Variants in SSH2 observed in about 807,000 individuals in gnomAD.
SSH2 encodes protein phosphatase Slingshot homolog 2.
A neutral mutation model predicts 135.2 loss-of-function variants in SSH2; 37 were observed. The observed-to-expected ratio is 0.27, with a 90% CI of 0.21 to 0.36. The LOEUF (loss-of-function observed/expected upper bound fraction) is 0.36, where lower values mean the gene tolerates loss of function less well. SSH2 is among the 10% of genes least tolerant of loss of function. The probability of loss-of-function intolerance (pLI) is 1.00; values close to 1 mark genes in which losing one functional copy is unlikely to be tolerated. For missense variants in SSH2, 1,408 were observed against 1,765.3 expected, an observed-to-expected ratio of 0.80 and a Z score of 3.63; for synonymous variants, 628 against 646.2, an observed-to-expected ratio of 0.97 and a Z score of 0.43.
intron 1 of SSH2, among the ~76,000 whole-genome samples, chr17:29,880,406 G>A (rs2066116484): frequency 1.3e-5 from 2 of 152,184 alleles, no homozygotes; most frequent in South Asian, 4.1e-4. Context: ...CTCCCAAAGT[G>A]CTGGGATTAC....
At chr17:29,897,513 C>A (rs1330153482) in intron 1 of SSH2, among the ~76,000 whole-genome samples, 1 of 152,042 alleles carries the variant, frequency 6.6e-6, no homozygotes, top group Non-Finnish European at 1.5e-5. Context: ...TTTAAACCAA[C>A]AAAGATCAAA....
intron 3 of SSH2, among the ~76,000 whole-genome samples, chr17:29,743,906 CCTT>C (rs2040658091): frequency 9.3e-6 from 1 of 107,532 alleles, no homozygotes. Context: ...TTTCTTTTTT[CCTT>C]TTTTTTTTTT....
chr17:29,643,069 G>C, intron 14 of SSH2: 4 of 931,990 alleles, frequency 4.3e-6, no homozygotes, highest in Non-Finnish European at 5.1e-6. Flanking sequence ...AACAATGAGA[G>C]ATTTTTCTAA....
At chr17:29,911,747 A>G (rs1726779662) in intron 1 of SSH2, among the ~76,000 whole-genome samples, 1 of 152,228 alleles carries the variant, frequency 6.6e-6, no homozygotes, top group Admixed American at 6.5e-5. Flanking sequence ...TTCCTTGGCC[A>G]TATAATAAAA....
chr17:29,646,587 T>C (rs1289383052), intron 14 of SSH2, among the ~76,000 whole-genome samples: 3 of 151,868 alleles, frequency 2.0e-5, no homozygotes, highest in Admixed American at 1.3e-4. Flanking sequence ...GCAACCTCCG[T>C]CTCCCGGGTT....
intron 1 of SSH2, among the ~76,000 whole-genome samples, chr17:29,873,941 A>G (rs1339591925): frequency 6.6e-6 from 1 of 152,156 alleles, no homozygotes; most frequent in Non-Finnish European, 1.5e-5. Flanking sequence ...AAGTGTTCAA[A>G]ATAATGTTTG....
chr17:29,814,130 C>CAAAAAAAA (rs1402714927), intron 2 of SSH2, among the ~76,000 whole-genome samples: 13 of 21,096 alleles, frequency 6.2e-4, no homozygotes, highest in Admixed American at 1.2e-3. Flanking sequence ...GACTTCGTCT[C>CAAAAAAAA]AAAAAAAAAA....
At position 29,742,481 on chromosome 17, in the gene SSH2, G is replaced by GTTT. The variant is rs35446491; in HGVS notation, c.189-39422_189-39420dup. ...CGAGAGGTATGTGCCACCACACCCAGTTTTTTTTTTTTTTTTTTTCTTTTC... is the reference window on the plus strand; with the variant it reads ...CGAGAGGTATGTGCCACCACACCCAGTTTTTTTTTTTTTTTTTTTTTTCTTTTC... On this transcript the variant is annotated intron_variant, in intron 3 of 15. Transcript: ENST00000540801. Among the ~76,000 whole-genome samples, 587 of 90,532 alleles carry GTTT rather than the reference G, an allele frequency of 6.5e-3. 33 individuals are homozygous for GTTT. Among genetic ancestry groups the GTTT allele is most frequent in the African/African-American group, 0.016 (286 of 18,398 alleles). 59.4% of individuals were successfully genotyped at this position (90,532 alleles called of 152,430 possible). A position where few individuals can be genotyped will look rare whatever the true frequency, so the allele number is the denominator to read the frequency against.
rs1050645886 is a variant in SSH2 at position 29,644,311 on chromosome 17, G to T, written c.1427+3833C>A. ...TTACTCCCCTAGCTCCCTCAGCACG[G>T]GGCTACCTCAGGCTAGCTGTGTCCC... On this transcript the variant is annotated intron_variant, in intron 14 of 15. Transcript: ENST00000540801. Among the ~76,000 whole-genome samples, 3 of 152,130 alleles carry T rather than the reference G, an allele frequency of 2.0e-5. No individual in the cohort carries two copies. The South Asian group carries it at 6.2e-4, about 32-fold the overall frequency.
intron 3 of SSH2, among the ~76,000 whole-genome samples, chr17:29,783,685 C>G (rs1345543932): frequency 2.0e-5 from 3 of 152,144 alleles, no homozygotes; most frequent in African/African-American, 7.2e-5. Flanking sequence ...TCAATCCAAT[C>G]AAGCTGACAC....
intron 3 of SSH2, among the ~76,000 whole-genome samples, chr17:29,781,766 C>G (rs183267072): frequency 1.3e-5 from 2 of 151,880 alleles, no homozygotes; most frequent in African/African-American, 2.4e-5. Context: ...GTATAAGCCA[C>G]GGTGCCCAGC....
intron 3 of SSH2, among the ~76,000 whole-genome samples, chr17:29,770,016 C>T (rs923995487): frequency 1.3e-5 from 2 of 151,812 alleles, no homozygotes; most frequent in South Asian, 2.1e-4. Context: ...GCATATAATC[C>T]TCAACTTCAT....
At chr17:29,737,920 C>CTTATTTATTTAT (rs57778245) in intron 3 of SSH2, among the ~76,000 whole-genome samples, 2,873 of 150,690 alleles carry the variant, frequency 0.019, 29 homozygotes, top group Admixed American at 0.027. Context: ...GAGAAAGTCT[C>CTTATTTATTTAT]TTATTTATTT....
chr17:29,743,914 T>C (rs1242321099), intron 3 of SSH2, among the ~76,000 whole-genome samples: 2 of 130,512 alleles, frequency 1.5e-5, no homozygotes, highest in East Asian at 2.0e-4. Context: ...TTCCTTTTTT[T>C]TTTTTTTTTT....
chr17:29,664,571 G>A lies in SSH2; in HGVS notation c.1032+2296C>T, dbSNP rs59000490. Among the ~76,000 whole-genome samples, 584 of 152,016 alleles carry A rather than the reference G, an allele frequency of 3.8e-3. 5 individuals carry two copies. Among genetic ancestry groups the A allele is most frequent in the African/African-American group, 0.013 (551 of 41,498 alleles). The stretch of plus-strand genomic sequence containing the variant: ...TGCAGTGGCATGATCATGGCTCACC[G>A]CAGCCTCAAACTCCCAGGCTCAGGT... On this transcript the variant is annotated intron_variant, in intron 11 of 15. Transcript: ENST00000540801.
chr17:29,762,214 TCAAA>T (rs1215272844), intron 3 of SSH2, among the ~76,000 whole-genome samples: 3 of 151,808 alleles, frequency 2.0e-5, no homozygotes, highest in African/African-American at 4.8e-5. Flanking sequence ...GAAGTAATGG[TCAAA>T]CAAACAAAAA....
chr17:29,774,850 T>C (rs2041662526), intron 3 of SSH2, among the ~76,000 whole-genome samples: 1 of 152,182 alleles, frequency 6.6e-6, no homozygotes, highest in Non-Finnish European at 1.5e-5. Context: ...TTGCCAACTG[T>C]GGACAACTCG....
intron 1 of SSH2, among the ~76,000 whole-genome samples, chr17:29,869,642 G>T (rs912179163): frequency 1.1e-4 from 17 of 152,218 alleles, no homozygotes; most frequent in African/African-American, 3.9e-4. Flanking sequence ...GAATTACCCT[G>T]CCCAGGGCAA....
intron 2 of SSH2, among the ~76,000 whole-genome samples, chr17:29,826,897 G>A (rs1245623351): frequency 6.6e-6 from 1 of 152,090 alleles, no homozygotes; most frequent in Non-Finnish European, 1.5e-5. Context: ...AGAATCAGAT[G>A]GAGTAAAGTA....
Sources: allele counts gnomAD v4.1 joint callset (sites outside exome capture counted in the v4.1 genomes callset), GRCh38; gene constraint gnomAD v4.1.1; transcripts MANE v1.5; gene names NCBI Gene and HGNC (gene_info 2026-07-23, HGNC 2026-07-21).